NALF1: variants seen among roughly 807,000 people sequenced by gnomAD.
NALF1 encodes the protein family with sequence similarity 155 member A.
In NALF1, 3 loss-of-function variants were observed where a neutral mutation model predicts 48.4. That is an observed-to-expected ratio of 0.06 (90% CI 0.03 to 0.16). NALF1 has a LOEUF of 0.16. Ranked by LOEUF, NALF1 falls within the 10% of genes least tolerant of loss-of-function variation. The pLI is 1.00. For synonymous variants in NALF1, 262 were observed against 245.7 expected (o/e 1.07, Z -0.62); for missense variants, 526 against 571.5 (o/e 0.92, Z 0.81).
intron 2 of NALF1, among the ~76,000 whole-genome samples, chr13:107,177,263 C>T (rs1878958534): frequency 6.6e-6 from 1 of 152,110 alleles, no homozygotes. Flanking sequence ...TTGGAAGAAT[C>T]AGTATTGTTA....
chr13:107,789,298 C>T (rs1397978035), intron 1 of NALF1, among the ~76,000 whole-genome samples: 4 of 152,156 alleles, frequency 2.6e-5, no homozygotes, highest in Admixed American at 6.5e-5. Flanking sequence ...TTAATTACAA[C>T]AATAAGTACA....
At chr13:107,841,378 C>G (rs1880038584) in intron 1 of NALF1, among the ~76,000 whole-genome samples, 1 of 151,808 alleles carries the variant, frequency 6.6e-6, no homozygotes, top group Non-Finnish European at 1.5e-5. Context: ...TGGTCAAAGA[C>G]AAAGATGATT....
chr13:107,190,603 C>T (rs1879260505), intron 2 of NALF1, among the ~76,000 whole-genome samples: 1 of 152,024 alleles, frequency 6.6e-6, no homozygotes, highest in Admixed American at 6.6e-5. Flanking sequence ...TCCTCTGGCT[C>T]TGAAGAAACA....
intron 1 of NALF1, among the ~76,000 whole-genome samples, chr13:107,675,780 G>T (rs1881103990): frequency 6.6e-6 from 1 of 152,086 alleles, no homozygotes. Flanking sequence ...ACTTTGACAA[G>T]GAATACCAAG....
intron 1 of NALF1, among the ~76,000 whole-genome samples, chr13:107,286,087 A>G (rs1316214068): frequency 2.0e-5 from 3 of 152,202 alleles, no homozygotes; most frequent in Non-Finnish European, 4.4e-5. Flanking sequence ...GAAACACCAG[A>G]AGTCCACGCA....
chr13:107,536,293 C>A (rs1037120529), intron 1 of NALF1, among the ~76,000 whole-genome samples: 1 of 148,648 alleles, frequency 6.7e-6, no homozygotes, highest in Non-Finnish European at 1.5e-5. Flanking sequence ...AACAGGCAAC[C>A]TACAAAATGG....
At chr13:107,797,122 T>C (rs1369895032) in intron 1 of NALF1, among the ~76,000 whole-genome samples, 1 of 152,210 alleles carries the variant, frequency 6.6e-6, no homozygotes, top group Non-Finnish European at 1.5e-5. Flanking sequence ...CAGATCCCCT[T>C]GCTCCCTTGA....
At chr13:107,457,307 C>T (rs1487169779) in intron 1 of NALF1, among the ~76,000 whole-genome samples, 1 of 152,124 alleles carries the variant, frequency 6.6e-6, no homozygotes, top group African/African-American at 2.4e-5. Context: ...TTTGATCTAA[C>T]TACCTCAGTT....
intron 1 of NALF1, among the ~76,000 whole-genome samples, chr13:107,217,174 G>T (rs1330779506): frequency 1.3e-5 from 2 of 152,140 alleles, no homozygotes; most frequent in Non-Finnish European, 2.9e-5. Flanking sequence ...ACTCCACTGA[G>T]ATTGTTCTTT....
At chr13:107,777,412 T>C (rs1877766780) in intron 1 of NALF1, among the ~76,000 whole-genome samples, 1 of 152,198 alleles carries the variant, frequency 6.6e-6, no homozygotes, top group Non-Finnish European at 1.5e-5. Context: ...CACGTTGAAT[T>C]GCAATCTGCA....
At chr13:107,786,726 C>G (rs1321029625) in intron 1 of NALF1, among the ~76,000 whole-genome samples, 3 of 151,932 alleles carry the variant, frequency 2.0e-5, no homozygotes, top group Non-Finnish European at 2.9e-5. Flanking sequence ...GAGAGAAACC[C>G]CATCTCAGAA....
intron 1 of NALF1, among the ~76,000 whole-genome samples, chr13:107,538,336 T>C (rs564098543): frequency 5.1e-4 from 77 of 152,286 alleles, no homozygotes; most frequent in African/African-American, 1.8e-3. Flanking sequence ...CCTTGAACCA[T>C]TTTCTTTTGA....
At chr13:107,337,696 A>G (rs1882586926) in intron 1 of NALF1, among the ~76,000 whole-genome samples, 1 of 152,132 alleles carries the variant, frequency 6.6e-6, no homozygotes, top group African/African-American at 2.4e-5. Flanking sequence ...TGCACACAGA[A>G]AAGAGTTAAG....
intron 1 of NALF1, among the ~76,000 whole-genome samples, chr13:107,249,372 T>G (rs937847821): frequency 5.3e-5 from 8 of 152,116 alleles, no homozygotes; most frequent in Non-Finnish European, 2.9e-5. Context: ...AAAAACAACA[T>G]TATCTCAAAA....
chr13:107,222,206 A>C (rs966848091), intron 1 of NALF1, among the ~76,000 whole-genome samples: 2 of 152,128 alleles, frequency 1.3e-5, no homozygotes, highest in Admixed American at 1.3e-4. Context: ...TCCAATTAAG[A>C]AGCTTATTTT....
chr13:107,592,568 T>C (rs1166039003), intron 1 of NALF1, among the ~76,000 whole-genome samples: 1 of 151,930 alleles, frequency 6.6e-6, no homozygotes, highest in Non-Finnish European at 1.5e-5. Flanking sequence ...TAAATTCTAC[T>C]AGCAGAATAA....
chr13:107,194,048 CTATCTATCTATA>C (rs146291540), intron 2 of NALF1, among the ~76,000 whole-genome samples: 5,141 of 112,630 alleles, frequency 0.046, 175 homozygotes, highest in African/African-American at 0.13. Flanking sequence ...ATCTATCTAT[CTATCTATCTATA>C]TATCAATCTA....
At chr13:107,467,321 C>CTTTCATTACTAAGAGACTAAGATTA (rs1885020731) in intron 1 of NALF1, among the ~76,000 whole-genome samples, 1 of 151,328 alleles carries the variant, frequency 6.6e-6, no homozygotes, top group Non-Finnish European at 1.5e-5. Context: ...TAGATATATA[C>CTTTCATTACTAAGAGACTAAGATTA]TTTCATTACT....
intron 1 of NALF1, among the ~76,000 whole-genome samples, chr13:107,787,187 C>T (rs1223358503): frequency 6.6e-6 from 1 of 152,070 alleles, no homozygotes; most frequent in African/African-American, 2.4e-5. Context: ...TAAGAAAATA[C>T]TTTTAACCAG....
Sources: gnomAD v4.1 joint callset for allele counts (sites outside exome capture counted in the v4.1 genomes callset) on GRCh38, gnomAD v4.1.1 for gene constraint, MANE v1.5 for transcripts, NCBI Gene and HGNC (gene_info 2026-07-23, HGNC 2026-07-21) for gene names.